Variants in TNFRSF6B observed in about 807,000 individuals in gnomAD.
The protein encoded by TNFRSF6B is tumor necrosis factor receptor superfamily member 6B.
Under a neutral mutation model 17.9 loss-of-function variants are expected in TNFRSF6B, and 23 were observed. The observed-to-expected ratio is 1.28, with a 90% CI of 0.92 to 1.82. The LOEUF (loss-of-function observed/expected upper bound fraction) is 1.82, where lower values mean the gene tolerates loss of function less well. Ranked by LOEUF, TNFRSF6B falls within the 40% of genes most tolerant of loss-of-function variation. TNFRSF6B has a pLI of 0.00. For missense variants in TNFRSF6B, 555 were observed against 437.2 expected, an observed-to-expected ratio of 1.27 and a Z score of -2.40; for synonymous variants, 291 against 195.8, an observed-to-expected ratio of 1.49 and a Z score of -4.06.
intron 2 of TNFRSF6B, among the ~76,000 whole-genome samples, chr20:63,697,784 C>T (rs552156089): frequency 1.3e-5 from 2 of 152,102 alleles, no homozygotes; most frequent in African/African-American, 2.4e-5. Context: ...CCTAACTGCC[C>T]GAGGGGAAGG....
Position 63,696,856 on chromosome 20 carries a change from T to C in TNFRSF6B, c.89T>C (p.Val30Ala), listed in dbSNP as rs766532363. Residue 30 changes from valine to alanine, a missense_variant, in exon 1 of 3, where the codon GTG becomes GCG. Val to Ala is a moderately conservative substitution (Grantham distance 64). Coordinates refer to ENST00000369996, the MANE Select transcript of TNFRSF6B (RefSeq NM_003823.4). ...CTGCCGGTGCCGGCTGTACGCGGAG[T>C]GGCAGAAACACCCACCTACCCCTGG... ...ALLPVPAVRG[V>A]AETPTYPWRD... is the part of the protein sequence containing the mutation. 1 of 1,611,338 alleles carries C rather than the reference T, an allele frequency of 6.2e-7. No individual in the cohort carries two copies. Among genetic ancestry groups the C allele is most frequent in the East Asian group, 2.2e-5 (1 of 44,842 alleles).
Position 63,697,076 on chromosome 20 carries a change from G to A in TNFRSF6B, c.309G>A (p.Arg103=), listed in dbSNP as rs1378981707. ...GCGGGGAGCGTGAGGAGGAGGCACG[G>A]GCTTGCCACGCCACCCACAACCGTG... is the stretch of plus-strand genomic sequence containing the variant. ...VLCGEREEEA[R]ACHATHNRAC... Residue 103 remains arginine, a synonymous_variant, in exon 1 of 3, where the codon CGG becomes CGA. Transcript: ENST00000369996. The A allele has an allele frequency of 3.1e-6, 5 of 1,605,194 alleles. No individual in the cohort carries two copies. The highest frequency in any genetic ancestry group is 4.2e-6 in the Non-Finnish European group (5 of 1,178,782).
At position 63,698,679 on chromosome 20, in the gene TNFRSF6B, A is replaced by C. The variant is rs2091042860; in HGVS notation, c.*116A>C. 7.9e-7 allele frequency: 1 copy of C among 1,264,224 alleles called. No homozygotes were observed. Among genetic ancestry groups the C allele is most frequent in the Admixed American group, 3.8e-5 (1 of 26,056 alleles). The allele number at this position is 1,264,224 out of a possible 1,614,324, so 78.3% of individuals were successfully genotyped here. A position where few individuals can be genotyped will look rare whatever the true frequency, so the allele number is the denominator to read the frequency against. ...AAGCTTATTTTTATAAAGCTTTTTC[A>C]TAAAACTGGTTGTAGTTGCACAGCT... On this transcript the variant is annotated 3_prime_UTR_variant, in exon 3 of 3. Coordinates refer to ENST00000369996, the MANE Select transcript of TNFRSF6B (RefSeq NM_003823.4).
In TNFRSF6B at chr20:63,697,211, A is replaced by AG. The variant is rs777290916; in HGVS notation, c.424+24dup. 3 of 1,551,248 alleles carry AG rather than the reference A, an allele frequency of 1.9e-6. No individual in the cohort carries two copies. The African/African-American group carries it at 4.1e-5, about 21-fold the overall frequency. The stretch of plus-strand genomic sequence containing the variant: ...CCCCGGGTGAGAGCTGGGCGAGGGG[A>AG]GGGGCCCCCAGGAGTGGTGGCCGGA... On this transcript the variant is annotated intron_variant, in intron 1 of 2. Coordinates refer to ENST00000369996, the MANE Select transcript of TNFRSF6B (RefSeq NM_003823.4).
At position 63,698,296 on chromosome 20, in the gene TNFRSF6B, G is replaced by A. The variant is rs1478294872; in HGVS notation, c.636G>A (p.Glu212=). Residue 212 remains glutamate, a synonymous_variant, in exon 3 of 3, where the codon GAG becomes GAA. Transcript: ENST00000369996. Reference sequence around the variant, plus strand: ...CCACTGCAGGAGCTGAGGAGTGTGAGCGTGCCGTCATCGACTTTGTGGCTT... The same window carrying A: ...CCACTGCAGGAGCTGAGGAGTGTGAACGTGCCGTCATCGACTTTGTGGCTT... The part of the protein sequence containing the change: ...STRVPGAEEC[E]RAVIDFVAFQ... 6.2e-7 allele frequency: 1 copy of A among 1,610,914 alleles called. No homozygotes were observed. The highest frequency in any genetic ancestry group is 8.5e-7 in the Non-Finnish European group (1 of 1,179,232).
chr20:63,697,126 T>A lies in TNFRSF6B; in HGVS notation c.359T>A (p.Phe120Tyr), dbSNP rs1454259097. 6.3e-7 allele frequency: 1 copy of A among 1,592,956 alleles called. No individual in the cohort carries two copies. Among genetic ancestry groups the A allele is most frequent in the Non-Finnish European group, 8.5e-7 (1 of 1,172,456 alleles). Residue 120 changes from phenylalanine (F) to tyrosine (Y), a missense_variant, in exon 1 of 3, where the codon TTC becomes TAC. Phe to Tyr is a conservative substitution (Grantham distance 22, BLOSUM62 3). Coordinates refer to ENST00000369996, the MANE Select transcript of TNFRSF6B (RefSeq NM_003823.4). Reference sequence around the variant, plus strand: ...GCCTGCCGCTGCCGCACCGGCTTCTTCGCGCACGCTGGTTTCTGCTTGGAG... The same window carrying A: ...GCCTGCCGCTGCCGCACCGGCTTCTACGCGCACGCTGGTTTCTGCTTGGAG... Reference protein sequence around the residue: ...NRACRCRTGFFAHAGFCLEHA... With the variant: ...NRACRCRTGFYAHAGFCLEHA...
Sources: gnomAD v4.1 joint callset for allele counts (sites outside exome capture counted in the v4.1 genomes callset) on GRCh38, gnomAD v4.1.1 for gene constraint, MANE v1.5 for transcripts, NCBI Gene and HGNC (gene_info 2026-07-23, HGNC 2026-07-21) for gene names.